CMSS1: variants seen among roughly 807,000 people sequenced by gnomAD.
The protein encoded by CMSS1 is cms1 ribosomal small subunit homolog, also known as protein CMSS1.
Under a neutral mutation model 43.5 loss-of-function variants are expected in CMSS1, and 33 were observed. The ratio of observed to expected loss-of-function variants is 0.76; its 90% CI spans 0.57 to 1.01. CMSS1 has a LOEUF of 1.01. CMSS1 is among the 50% of genes least tolerant of loss of function. CMSS1 has a pLI of 0.00. For synonymous variants in CMSS1, 115 were observed against 117.2 expected, an observed-to-expected ratio of 0.98 and a Z score of 0.12; for missense variants, 313 against 326.4, an observed-to-expected ratio of 0.96 and a Z score of 0.32.
intron 2 of CMSS1, among the ~76,000 whole-genome samples, chr3:100,156,851 G>A (rs1464158634): frequency 5.9e-5 from 9 of 151,760 alleles, no homozygotes; most frequent in South Asian, 4.2e-4. Context: ...TCCTGACCTC[G>A]TGATCCACCT....
At chr3:100,157,427 A>C (rs1437186480) in intron 2 of CMSS1, among the ~76,000 whole-genome samples, 1 of 152,144 alleles carries the variant, frequency 6.6e-6, no homozygotes, top group Admixed American at 6.5e-5. Flanking sequence ...TAGATGTCTG[A>C]GGAACCTTAG....
At chr3:100,093,430 T>C (rs2107439869) in intron 1 of CMSS1, among the ~76,000 whole-genome samples, 1 of 152,238 alleles carries the variant, frequency 6.6e-6, no homozygotes, top group Non-Finnish European at 1.5e-5. Context: ...TTATTTTTCT[T>C]ACAAAAAATA....
intron 1 of CMSS1, among the ~76,000 whole-genome samples, chr3:99,934,067 A>G (rs544911244): frequency 6.6e-6 from 1 of 152,296 alleles, no homozygotes; most frequent in Non-Finnish European, 1.5e-5. Flanking sequence ...ATCTCATCTC[A>G]GCTGTATGTG....
intron 1 of CMSS1, among the ~76,000 whole-genome samples, chr3:99,866,342 A>C (rs564963796): frequency 6.6e-6 from 1 of 152,272 alleles, no homozygotes; most frequent in East Asian, 1.9e-4. Flanking sequence ...GGCAGTGGCT[A>C]AAGTGGTATG....
chr3:100,068,380 GTGTC>G (rs376185045), intron 1 of CMSS1, among the ~76,000 whole-genome samples: 3 of 140,306 alleles, frequency 2.1e-5, no homozygotes, highest in African/African-American at 7.9e-5. Context: ...GTGTGTGTGT[GTGTC>G]AGAGAGATAT....
At chr3:100,003,294 T>G (rs1709895541) in intron 1 of CMSS1, among the ~76,000 whole-genome samples, 1 of 152,198 alleles carries the variant, frequency 6.6e-6, no homozygotes, top group South Asian at 2.1e-4. Flanking sequence ...CAAACCAGCT[T>G]GATTTCTGTC....
chr3:99,880,793 TAAC>T (rs1181216562), intron 1 of CMSS1, among the ~76,000 whole-genome samples: 1 of 152,200 alleles, frequency 6.6e-6, no homozygotes, highest in Non-Finnish European at 1.5e-5. Context: ...TGCCAACTAT[TAAC>T]AATTCAATGT....
intron 2 of CMSS1, among the ~76,000 whole-genome samples, chr3:100,149,760 C>CCTTG (rs1049178173): frequency 6.6e-6 from 1 of 152,166 alleles, no homozygotes; most frequent in East Asian, 1.9e-4. Flanking sequence ...TGACATGGAA[C>CCTTG]CTTGCCCTTA....
intron 1 of CMSS1, among the ~76,000 whole-genome samples, chr3:99,857,163 G>A (rs368772926): frequency 6.6e-6 from 1 of 151,602 alleles, no homozygotes; most frequent in South Asian, 2.1e-4. Flanking sequence ...ACTGTCCTAA[G>A]TAGTTTTATT....
At chr3:100,104,221 C>T (rs1484910425) in intron 1 of CMSS1, among the ~76,000 whole-genome samples, 1 of 152,186 alleles carries the variant, frequency 6.6e-6, no homozygotes, top group African/African-American at 2.4e-5. Flanking sequence ...AAGAAGCTTG[C>T]TCAGGCAAAG....
chr3:99,848,994 T>G, intron 1 of CMSS1: 1 of 1,614,122 alleles, frequency 6.2e-7, no homozygotes, highest in Non-Finnish European at 8.5e-7. Flanking sequence ...GTGTGTGGCT[T>G]AGGACTAGAT....
chr3:100,105,975 A>C (rs2107466499), intron 1 of CMSS1, among the ~76,000 whole-genome samples: 1 of 152,294 alleles, frequency 6.6e-6, no homozygotes, highest in Admixed American at 6.5e-5. Context: ...GCTTCTCACC[A>C]TCAGATGGTG....
intron 1 of CMSS1, among the ~76,000 whole-genome samples, chr3:100,129,130 C>G (rs766147242): frequency 6.6e-6 from 1 of 152,234 alleles, no homozygotes; most frequent in Non-Finnish European, 1.5e-5. Context: ...TTCTCCATCA[C>G]TGTAGTATCA....
At chr3:99,861,198 A>C (rs1024597029) in intron 1 of CMSS1, among the ~76,000 whole-genome samples, 8 of 151,796 alleles carry the variant, frequency 5.3e-5, no homozygotes, top group Non-Finnish European at 7.4e-5. Context: ...CCGCCCTCCC[A>C]AAAAAAATTA....
At chr3:99,974,034 C>G (rs1218365518) in intron 1 of CMSS1, among the ~76,000 whole-genome samples, 2 of 152,240 alleles carry the variant, frequency 1.3e-5, no homozygotes, top group African/African-American at 4.8e-5. Context: ...CCAATTCCTT[C>G]CAAGTTTAAG....
At chr3:99,924,088 A>G in intron 1 of CMSS1, 1 of 737,768 alleles carries the variant, frequency 1.4e-6, no homozygotes, top group South Asian at 1.8e-5. Flanking sequence ...ATGTCTTCAA[A>G]CATATCCTTT....
intron 1 of CMSS1, among the ~76,000 whole-genome samples, chr3:100,144,657 G>A (rs2066832858): frequency 6.6e-6 from 1 of 152,182 alleles, no homozygotes; most frequent in South Asian, 2.1e-4. Flanking sequence ...AGTTTTTTCT[G>A]TGCTGTTTGG....
chr3:99,979,915 G>C (rs1209693232), intron 1 of CMSS1, among the ~76,000 whole-genome samples: 1 of 152,250 alleles, frequency 6.6e-6, no homozygotes, highest in Middle Eastern at 3.4e-3. Context: ...TGCTGTGAAG[G>C]GTGAGGTAGG....
At chr3:100,006,830 G>A (rs754045481) in intron 1 of CMSS1, among the ~76,000 whole-genome samples, 52 of 152,316 alleles carry the variant, frequency 3.4e-4, no homozygotes, top group Admixed American at 5.9e-4. Flanking sequence ...TTGATGGGTA[G>A]AACTGTGCAT....
Sources: gnomAD v4.1 joint callset for allele counts (sites outside exome capture counted in the v4.1 genomes callset) on GRCh38, gnomAD v4.1.1 for gene constraint, MANE v1.5 for transcripts, NCBI Gene and HGNC (gene_info 2026-07-23, HGNC 2026-07-21) for gene names.